Variants in POLK observed in about 807,000 individuals in gnomAD.
POLK encodes the protein polymerase (DNA directed) kappa.
In POLK, 76 loss-of-function variants were observed where a neutral mutation model predicts 94.0. The observed-to-expected ratio is 0.81, with a 90% CI of 0.67 to 0.98. POLK has a LOEUF of 0.98. Among genes scored for constraint, POLK ranks in the 50% least tolerant of loss-of-function variants. The probability of loss-of-function intolerance (pLI) is 0.00; values close to 1 mark genes in which losing one functional copy is unlikely to be tolerated. For missense variants in POLK, 954 were observed against 1,010.1 expected, an observed-to-expected ratio of 0.94 and a Z score of 0.75; for synonymous variants, 349 against 325.4, an observed-to-expected ratio of 1.07 and a Z score of -0.78.
downstream of POLK, among the ~76,000 whole-genome samples, chr5:75,603,394 A>G (rs1263964093): frequency 1.3e-5 from 2 of 151,352 alleles, no homozygotes; most frequent in African/African-American, 4.9e-5. Context: ...CAGATTAGCT[A>G]TAAACAGCAT....
At chr5:75,548,439 AC>A (rs1476702220) in intron 2 of POLK, among the ~76,000 whole-genome samples, 1 of 150,730 alleles carries the variant, frequency 6.6e-6, no homozygotes, top group Admixed American at 6.6e-5. Context: ...TAATTTTTTT[AC>A]CACTTTTTTG....
chr5:75,527,036 C>T (rs73120838), intron 1 of POLK, among the ~76,000 whole-genome samples: 1,870 of 152,062 alleles, frequency 0.012, 39 homozygotes, highest in African/African-American at 0.043. Context: ...CATAAGATAC[C>T]CCTTTTGACT....
intron 1 of POLK, among the ~76,000 whole-genome samples, chr5:75,542,587 A>G (rs765571158): frequency 1.3e-5 from 2 of 150,836 alleles, no homozygotes; most frequent in Non-Finnish European, 1.5e-5. Flanking sequence ...GGGTATATAT[A>G]TGTGTGTGTG....
chr5:75,562,250 A>G (rs949935840), intron 3 of POLK, among the ~76,000 whole-genome samples: 1 of 151,928 alleles, frequency 6.6e-6, no homozygotes, highest in Non-Finnish European at 1.5e-5. Flanking sequence ...ATTCCTAGGT[A>G]TTTTATTTAT....
At chr5:75,562,810 G>A (rs1212783457) in intron 3 of POLK, among the ~76,000 whole-genome samples, 2 of 152,170 alleles carry the variant, frequency 1.3e-5, no homozygotes, top group African/African-American at 2.4e-5. Flanking sequence ...GATGGATTAC[G>A]TTTATTGAAT....
At chr5:75,528,681 C>T (rs951614589) in intron 1 of POLK, among the ~76,000 whole-genome samples, 2 of 151,858 alleles carry the variant, frequency 1.3e-5, no homozygotes, top group Non-Finnish European at 2.9e-5. Context: ...CAAGGTGGCA[C>T]ATACGTGTAG....
intron 9 of POLK, among the ~76,000 whole-genome samples, chr5:75,586,335 A>C (rs1292656906): frequency 6.6e-6 from 1 of 152,134 alleles, no homozygotes; most frequent in Non-Finnish European, 1.5e-5. Flanking sequence ...GTCTTTCTCC[A>C]ATATATAAGT....
upstream of POLK, chr5:75,511,083 G>C (rs776290291): frequency 6.6e-7 from 1 of 1,518,326 alleles, no homozygotes. Context: ...AGTCTGGCCA[G>C]GGGTCCCTTG....
intron 1 of POLK, among the ~76,000 whole-genome samples, chr5:75,522,754 G>A (rs1219852601): frequency 6.6e-6 from 1 of 151,894 alleles, no homozygotes; most frequent in African/African-American, 2.4e-5. Context: ...AAAATACAGA[G>A]CATAGGAAAA....
At position 75,581,581 on chromosome 5, in the gene POLK, A is replaced by T. The variant is rs1378411825; in HGVS notation, c.934+133A>T. On this transcript the variant is annotated intron_variant, in intron 7 of 14. Coordinates refer to ENST00000241436, the Ensembl canonical transcript of POLK. ...TACTTAGTCTTTCATTCAACTTCTAACAACTTTACCTATTCAGAATAGCTG... is the reference window on the plus strand; with the variant it reads ...TACTTAGTCTTTCATTCAACTTCTATCAACTTTACCTATTCAGAATAGCTG... The T allele has an allele frequency of 2.9e-4, 216 of 757,866 alleles. 1 individual carries two copies. The highest frequency in any genetic ancestry group is 7.2e-5 in the Non-Finnish European group (34 of 471,122). The allele number at this position is 757,866 out of a possible 1,614,324, so 46.9% of individuals were successfully genotyped here.
At chr5:75,555,754 G>A (rs1770590547) in intron 3 of POLK, among the ~76,000 whole-genome samples, 1 of 152,002 alleles carries the variant, frequency 6.6e-6, no homozygotes, top group South Asian at 2.1e-4. Context: ...TCACCATGTT[G>A]GCCAATCTGG....
chr5:75,560,842 A>G (rs1293859814), intron 3 of POLK, among the ~76,000 whole-genome samples: 1 of 152,184 alleles, frequency 6.6e-6, no homozygotes, highest in Non-Finnish European at 1.5e-5. Context: ...TGCAAAGGAC[A>G]TGAATTCATT....
chr5:75,550,135 A>G (rs1009364505), intron 2 of POLK, among the ~76,000 whole-genome samples: 2 of 152,220 alleles, frequency 1.3e-5, no homozygotes, highest in African/African-American at 4.8e-5. Context: ...CTATGAGGCC[A>G]GTATCACCCT....
At chr5:75,526,563 G>GT (rs1170000413) in intron 1 of POLK, among the ~76,000 whole-genome samples, 69 of 132,524 alleles carry the variant, frequency 5.2e-4, no homozygotes, top group Non-Finnish European at 7.7e-4. Flanking sequence ...GATTTAATGG[G>GT]TTTTTTTTTT....
At chr5:75,528,203 T>TA (rs1269517023) in intron 1 of POLK, among the ~76,000 whole-genome samples, 3 of 151,986 alleles carry the variant, frequency 2.0e-5, no homozygotes, top group Non-Finnish European at 4.4e-5. Flanking sequence ...TCCATGTAAG[T>TA]AAAAAAATAC....
chr5:75,565,685 G>T (rs906455542), intron 3 of POLK, among the ~76,000 whole-genome samples: 1 of 152,176 alleles, frequency 6.6e-6, no homozygotes, highest in Non-Finnish European at 1.5e-5. Context: ...TCCAGACCCT[G>T]TTTGCCTGGG....
rs1768500025 is a variant in POLK, at chr5:75,520,144, T to C, written c.-14+8230T>C. On this transcript the variant is annotated intron_variant, in intron 1 of 14. Coordinates refer to ENST00000241436, the Ensembl canonical transcript of POLK. ...TTATCTTAGATAGCAAAGAAAAAAA[T>C]AGAAACTAACAAAGAAATTTAAAAA... 3.3e-5 allele frequency among the ~76,000 whole-genome samples: 5 copies of C among 152,244 alleles called. No homozygotes were observed. In the East Asian group the frequency reaches 9.6e-4, roughly 29 times the overall value.
chr5:75,566,723 G>A (rs1164458449), intron 3 of POLK, among the ~76,000 whole-genome samples: 1 of 152,176 alleles, frequency 6.6e-6, no homozygotes, highest in Admixed American at 6.5e-5. Context: ...GTCCCAGTGA[G>A]GTGAGCCGGG....
chr5:75,556,811 C>A (rs1299581948), intron 3 of POLK, among the ~76,000 whole-genome samples: 2 of 151,970 alleles, frequency 1.3e-5, no homozygotes, highest in East Asian at 3.9e-4. Context: ...CCTGTAATCC[C>A]AGCACTTTGG....
Sources: gnomAD v4.1 joint callset for allele counts (sites outside exome capture counted in the v4.1 genomes callset) on GRCh38, gnomAD v4.1.1 for gene constraint, MANE v1.5 for transcripts, NCBI Gene and HGNC (gene_info 2026-07-23, HGNC 2026-07-21) for gene names.